The following CNOT1 variants were observed in gnomAD, a reference collection of about 807,000 sequenced individuals.
CNOT1 encodes the protein CCR4-associated factor 1.
In CNOT1, 15 loss-of-function variants were observed where a neutral mutation model predicts 273.8. The observed-to-expected ratio is 0.05, with a 90% confidence interval of 0.04 to 0.08. The LOEUF is 0.08. Ranked by LOEUF, CNOT1 falls within the 10% of genes least tolerant of loss-of-function variation. The probability of loss-of-function intolerance (pLI) is 1.00; values close to 1 mark genes in which losing one functional copy is unlikely to be tolerated. For synonymous variants in CNOT1, 1,022 were observed against 1,005.5 expected, an observed-to-expected ratio of 1.02 and a Z score of -0.31; for missense variants, 1,644 against 2,912.2, an observed-to-expected ratio of 0.56 and a Z score of 10.02.
chr16:58,569,779 CAT>C lies in CNOT1; in HGVS notation c.1979+4828_1979+4829del, dbSNP rs145693137. The stretch of plus-strand genomic sequence containing the variant: ...GCACTACTGAGTGTGCCACCACAAA[CAT>C]AATGGGAGTACAAGGAGAGAAGAAA... On this transcript the variant is annotated intron_variant, in intron 16 of 48. Coordinates refer to ENST00000317147, the MANE Select transcript of CNOT1 (RefSeq NM_016284.5). Among the ~76,000 whole-genome samples, 645 of 151,954 alleles carry C rather than the reference CAT, an allele frequency of 4.2e-3. 6 individuals are homozygous for C. The highest frequency in any genetic ancestry group is 0.014 in the African/African-American group (596 of 41,412).
chr16:58,534,083 T>A, intron 40 of CNOT1, 64 bp downstream of exon 40: 2 of 1,281,724 alleles, frequency 1.6e-6, no homozygotes, highest in Non-Finnish European at 2.0e-6. Flanking sequence ...ATAATAATAA[T>A]AAATAAATAA....
Position 58,584,524 on chromosome 16 carries a change from T to G in CNOT1, c.806+814A>C, listed in dbSNP as rs183674192. On this transcript the variant is annotated intron_variant, in intron 8 of 48. Coordinates refer to ENST00000317147, the MANE Select transcript of CNOT1 (RefSeq NM_016284.5). ...TTTTGTATTTTTAGTATAGACAGGG[T>G]CTTCACCATGTTGGTCAGGCTGGTC... Among the ~76,000 whole-genome samples, 64 of 152,146 alleles carry G rather than the reference T, an allele frequency of 4.2e-4. 1 individual carries two copies. The East Asian group carries it at 0.011, about 25-fold the overall frequency.
At chr16:58,622,155 CTATAAAAAAT>C (rs2043355685) in intron 1 of CNOT1, among the ~76,000 whole-genome samples, 1 of 151,060 alleles carries the variant, frequency 6.6e-6, no homozygotes, top group Admixed American at 6.6e-5. Context: ...TACTAAAAAA[CTATAAAAAAT>C]TAGCCAGGCG....
At chr16:58,532,846 A>C in intron 40 of CNOT1, 1 of 158,342 alleles carries the variant, frequency 6.3e-6, no homozygotes, top group South Asian at 1.9e-4. Context: ...CCCACTGAAC[A>C]GTGAGGGGCT....
chr16:58,556,236 TCA>T (rs1406932669), intron 19 of CNOT1, among the ~76,000 whole-genome samples: 1 of 152,180 alleles, frequency 6.6e-6, no homozygotes, highest in Non-Finnish European at 1.5e-5. Flanking sequence ...ATAATAAAAA[TCA>T]CATTTAACAT....
In CNOT1 at chr16:58,521,308, C is replaced by G; in HGVS notation, c.6927G>C (p.Leu2309Phe). Residue 2309 changes from leucine (L) to phenylalanine (F), a missense_variant, in exon 48 of 49, where the codon TTG becomes TTC. This residue lies in a region of CNOT1 where 140 missense variants were observed against 324.6 expected (regional missense o/e 0.43). Coordinates refer to ENST00000317147, the MANE Select transcript of CNOT1 (RefSeq NM_016284.5). ...AIQEQITRVLLERLIVNRPHP... is the reference protein window; with the variant it reads ...AIQEQITRVLFERLIVNRPHP... ...GTGGCCTATTTACAATCAACCGTTCCAAGAGAACTCTGGAAAAAGGGAGAA... is the reference window on the plus strand; with the variant it reads ...GTGGCCTATTTACAATCAACCGTTCGAAGAGAACTCTGGAAAAAGGGAGAA... 1 of 1,604,080 alleles carries G rather than the reference C, an allele frequency of 6.2e-7. No individual in the cohort carries two copies. The highest frequency in any genetic ancestry group is 8.5e-7 in the Non-Finnish European group (1 of 1,177,692).
chr16:58,523,411 A>C lies in CNOT1; in HGVS notation c.6876T>G (p.Phe2292Leu). The change falls in exon 47 of 49, where the codon TTT becomes TTG. Residue 2292 changes from phenylalanine (F) to leucine (L), a missense_variant. By Grantham distance (22) the Phe-to-Leu change is conservative (BLOSUM62 0). This residue lies in a region of CNOT1 where 140 missense variants were observed against 324.6 expected (regional missense o/e 0.43). Transcript: ENST00000317147. ...GGATGGCTTCCGTATTGGCCTCTGC[A>C]AAAAGGTACAGCATGGTGCAACTGA... ...HYFSCTMLYLFAEANTEAIQE... is the reference protein window; with the variant it reads ...HYFSCTMLYLLAEANTEAIQE... 2 of 1,613,904 alleles carry C rather than the reference A, an allele frequency of 1.2e-6. No homozygotes were observed. Among genetic ancestry groups the C allele is most frequent in the Non-Finnish European group, 1.7e-6 (2 of 1,179,844 alleles).
At chr16:58,556,175 C>T (rs937578464) in intron 19 of CNOT1, among the ~76,000 whole-genome samples, 9 of 152,302 alleles carry the variant, frequency 5.9e-5, no homozygotes, top group Admixed American at 5.2e-4. Flanking sequence ...AAACTCATAA[C>T]GCACTTACCC....
intron 16 of CNOT1, among the ~76,000 whole-genome samples, chr16:58,563,438 T>C (rs1254734896): frequency 6.6e-6 from 1 of 152,114 alleles, no homozygotes; most frequent in African/African-American, 2.4e-5. Flanking sequence ...TGATGACACA[T>C]ATCTCAGAAA....
Position 58,520,779 on chromosome 16 carries a change from T to G in CNOT1, c.*179A>C. 1.6e-6 allele frequency: 1 copy of G among 624,814 alleles called. No homozygotes were observed. The highest frequency in any genetic ancestry group is 2.8e-5 in the East Asian group (1 of 36,216). The allele number at this position is 624,814 out of a possible 1,614,324, so 38.7% of individuals were successfully genotyped here. ...TGGCCAAGAGTCAAAAAAATGCATT[T>G]AAACTTTGGAACGTGCCCACATAAG... is the stretch of plus-strand genomic sequence containing the variant. On this transcript the variant is annotated 3_prime_UTR_variant, in exon 49 of 49. Coordinates refer to ENST00000317147, the MANE Select transcript of CNOT1 (RefSeq NM_016284.5).
chr16:58,564,379 C>T (rs2040965300), intron 16 of CNOT1, among the ~76,000 whole-genome samples: 2 of 151,838 alleles, frequency 1.3e-5, no homozygotes, highest in Admixed American at 6.6e-5. Context: ...AAGACCAGTG[C>T]CATGGGTTAG....
intron 44 of CNOT1, chr16:58,528,069 C>A: frequency 2.2e-6 from 1 of 446,130 alleles, no homozygotes; most frequent in South Asian, 1.6e-5. Flanking sequence ...GCCGAGACTG[C>A]ACCACTGCAC....
At position 58,551,212 on chromosome 16, in the gene CNOT1, T is replaced by C. The variant is rs762561129; in HGVS notation, c.3262A>G (p.Ile1088Val). The change falls in exon 24 of 49, where the codon ATT (isoleucine) becomes GTT (valine). Residue 1088 changes from isoleucine to valine, a missense_variant. By Grantham distance (29) the Ile-to-Val change is conservative. Around this residue, in one of 13 missense-constraint regions of CNOT1, gnomAD observed 124 missense variants for 289.3 expected, o/e 0.43. Transcript: ENST00000317147. ...LLVATDQTER[I>V]VEPPENIQEK... ...TGGATATTTTCTGGGGGCTCCACAA[T>C]TCTCTCAGTTTGATCTGTGGCCACA... 1.2e-6 allele frequency: 2 copies of C among 1,610,026 alleles called. No individual in the cohort carries two copies. Among genetic ancestry groups the C allele is most frequent in the South Asian group, 2.2e-5 (2 of 89,702 alleles).
At chr16:58,571,283 C>T (rs1288350234) in intron 16 of CNOT1, among the ~76,000 whole-genome samples, 5 of 152,010 alleles carry the variant, frequency 3.3e-5, no homozygotes, top group South Asian at 2.1e-4. Flanking sequence ...AGGCCGGGCA[C>T]GGTGGCTCAT....
intron 16 of CNOT1, among the ~76,000 whole-genome samples, chr16:58,569,223 A>G (rs2041174514): frequency 6.6e-6 from 1 of 152,194 alleles, no homozygotes; most frequent in Admixed American, 6.5e-5. Context: ...CCTGGGTTCA[A>G]GCAATTCTCT....
chr16:58,572,738 T>C (rs2151961236), intron 16 of CNOT1, among the ~76,000 whole-genome samples: 1 of 151,842 alleles, frequency 6.6e-6, no homozygotes, highest in East Asian at 1.9e-4. Flanking sequence ...TGAAACCCCA[T>C]CTCTACTAAA....
At position 58,538,201 on chromosome 16, in the gene CNOT1, T is replaced by C. The variant is rs199747346; in HGVS notation, c.5201A>G (p.Asn1734Ser). The C allele has an allele frequency of 3.5e-5, 54 of 1,533,412 alleles. No individual in the cohort carries two copies. Among genetic ancestry groups the C allele is most frequent in the Non-Finnish European group, 4.5e-5 (50 of 1,106,166 alleles). The allele number at this position is 1,533,412 out of a possible 1,614,324, so 95.0% of individuals were successfully genotyped here. The change falls in exon 37 of 49, where the codon AAT (asparagine) becomes AGT (serine). Residue 1734 changes from asparagine (N) to serine (S), a missense_variant. Asn to Ser is a conservative substitution (Grantham distance 46). Around this residue, in one of 13 missense-constraint regions of CNOT1, gnomAD observed 170 missense variants for 273.1 expected, o/e 0.62. Transcript: ENST00000317147. ...ATACTGCTGCATATTAACCAAATGA[T>C]TGCGAATTAGCAGCTCCACAGCCTC... ...NVEAVELLIR[N>S]HLVNMQQYDL... is the part of the protein sequence containing the mutation.
At chr16:58,538,746 A>C (rs1232021511) in intron 36 of CNOT1, 26 bp downstream of exon 36, 1 of 1,609,296 alleles carries the variant, frequency 6.2e-7, no homozygotes, top group African/African-American at 1.3e-5. Context: ...TCCAATACTC[A>C]CTACTTTTCG....
rs2039638523 is a variant in CNOT1 at position 58,527,577 on chromosome 16, CAA to C, written c.6453+896_6453+897del. 2.0e-5 allele frequency among the ~76,000 whole-genome samples: 3 copies of C among 151,914 alleles called. No individual in the cohort carries two copies. In the South Asian group the frequency reaches 6.2e-4, roughly 32 times the overall value. ...AATAATAATACAACAATAAAAAACA[CAA>C]ATTTTAAAAAGTTATTAATATAGTT... is the stretch of plus-strand genomic sequence containing the variant. On this transcript the variant is annotated intron_variant, in intron 44 of 48. Coordinates refer to ENST00000317147, the MANE Select transcript of CNOT1 (RefSeq NM_016284.5).
Sources: gnomAD v4.1 joint callset for allele counts (sites outside exome capture counted in the v4.1 genomes callset) on GRCh38, gnomAD v4.1.1 for gene constraint, gnomAD v4.1.1 regional missense constraint, MANE v1.5 for transcripts, NCBI Gene and HGNC (gene_info 2026-07-23, HGNC 2026-07-21) for gene names.